PTPRD: variants seen among roughly 807,000 people sequenced by gnomAD.
PTPRD encodes protein tyrosine phosphatase receptor type D, also known as receptor-type tyrosine-protein phosphatase delta.
A neutral mutation model predicts 214.5 loss-of-function variants in PTPRD; 34 were observed. The ratio of observed to expected loss-of-function variants is 0.16; its 90% CI spans 0.12 to 0.21. The LOEUF is 0.21. PTPRD is among the 10% of genes least tolerant of loss of function. PTPRD has a pLI of 1.00. For missense variants in PTPRD, 2,545 were observed against 2,398.7 expected (o/e 1.06, Z -1.27); for synonymous variants, 1,128 against 845.7 (o/e 1.33, Z -5.79).
chr9:8,670,638 G>GT (rs1280212128), intron 12 of PTPRD, among the ~76,000 whole-genome samples: 8 of 152,158 alleles, frequency 5.3e-5, no homozygotes, highest in African/African-American at 1.4e-4. Flanking sequence ...AATAAAATTT[G>GT]TTTTTTAAAA....
At chr9:9,888,411 A>G (rs1309440016) in intron 5 of PTPRD, among the ~76,000 whole-genome samples, 1 of 152,130 alleles carries the variant, frequency 6.6e-6, no homozygotes, top group Non-Finnish European at 1.5e-5. Context: ...TGTCCCTTAC[A>G]GATCTCATGT....
At chr9:8,794,602 C>CTGT (rs2096351768) in intron 11 of PTPRD, among the ~76,000 whole-genome samples, 1 of 151,434 alleles carries the variant, frequency 6.6e-6, no homozygotes, top group Admixed American at 6.6e-5. Flanking sequence ...TCTTAGCCTC[C>CTGT]CAAGTAGCTG....
intron 7 of PTPRD, among the ~76,000 whole-genome samples, chr9:9,643,891 C>T (rs2096057563): frequency 6.6e-6 from 1 of 152,028 alleles, no homozygotes; most frequent in African/African-American, 2.4e-5. Context: ...TAATTTTAAC[C>T]ACTGCCCGCT....
At chr9:9,340,958 T>G (rs935143303) in intron 9 of PTPRD, among the ~76,000 whole-genome samples, 1 of 152,182 alleles carries the variant, frequency 6.6e-6, no homozygotes, top group Non-Finnish European at 1.5e-5. Flanking sequence ...AGACCTCTTC[T>G]AACAATACAA....
At chr9:9,656,916 C>G (rs1052066610) in intron 7 of PTPRD, among the ~76,000 whole-genome samples, 17 of 151,888 alleles carry the variant, frequency 1.1e-4, no homozygotes, top group Admixed American at 2.0e-4. Flanking sequence ...CTCTTGATTT[C>G]TCTGTGAACC....
chr9:10,174,484 G>C (rs1050610197), intron 3 of PTPRD, among the ~76,000 whole-genome samples: 1 of 152,066 alleles, frequency 6.6e-6, no homozygotes, highest in Non-Finnish European at 1.5e-5. Flanking sequence ...CATCAGAATT[G>C]TGAGCCAAAG....
intron 11 of PTPRD, among the ~76,000 whole-genome samples, chr9:8,832,086 T>C (rs1601276343): frequency 6.9e-6 from 1 of 144,114 alleles, no homozygotes. Flanking sequence ...AGCCGGTGAT[T>C]TAAATATGTA....
At chr9:9,991,858 A>T (rs1385906140) in intron 4 of PTPRD, among the ~76,000 whole-genome samples, 1 of 150,812 alleles carries the variant, frequency 6.6e-6, no homozygotes, top group Non-Finnish European at 1.5e-5. Flanking sequence ...ACACACACAC[A>T]CACACACACA....
intron 9 of PTPRD, among the ~76,000 whole-genome samples, chr9:9,368,387 T>G (rs1395575382): frequency 1.3e-5 from 2 of 151,864 alleles, no homozygotes; most frequent in Admixed American, 1.3e-4. Flanking sequence ...GTTAGTCCAT[T>G]CATTCCTTGT....
At chr9:9,483,505 T>C (rs2147211402) in intron 8 of PTPRD, among the ~76,000 whole-genome samples, 1 of 152,216 alleles carries the variant, frequency 6.6e-6, no homozygotes, top group South Asian at 2.1e-4. Context: ...TTTTCAACAG[T>C]TGAGTGACTA....
At chr9:9,359,225 AAG>A (rs1433031471) in intron 9 of PTPRD, among the ~76,000 whole-genome samples, 1 of 151,294 alleles carries the variant, frequency 6.6e-6, no homozygotes, top group African/African-American at 2.4e-5. Flanking sequence ...GCTTTTTAAA[AAG>A]AGAGGTCTAA....
intron 12 of PTPRD, among the ~76,000 whole-genome samples, chr9:8,716,567 A>C (rs2098438606): frequency 6.6e-6 from 1 of 152,232 alleles, no homozygotes; most frequent in African/African-American, 2.4e-5. Flanking sequence ...TTGAAAGCCT[A>C]TAGTCGCAGA....
At chr9:10,379,126 T>C (rs1373243595) in intron 2 of PTPRD, among the ~76,000 whole-genome samples, 2 of 151,926 alleles carry the variant, frequency 1.3e-5, no homozygotes, top group East Asian at 3.9e-4. Flanking sequence ...TCAGTCACTG[T>C]TGGCATAGAG....
At chr9:8,809,850 A>G (rs2096765060) in intron 11 of PTPRD, among the ~76,000 whole-genome samples, 1 of 152,208 alleles carries the variant, frequency 6.6e-6, no homozygotes, top group Non-Finnish European at 1.5e-5. Context: ...GTAAGCCTTT[A>G]TTCTTCACCA....
intron 37 of PTPRD, among the ~76,000 whole-genome samples, chr9:8,384,958 TA>T (rs1292339868): frequency 6.6e-6 from 1 of 152,218 alleles, no homozygotes; most frequent in Non-Finnish European, 1.5e-5. Flanking sequence ...TGGAATTCTT[TA>T]AAGGCCACAT....
In PTPRD at chr9:10,208,276, T is replaced by A. The variant is rs796401113; in HGVS notation, c.-545+132687A>T. ...AGGCCCGTAATCCCAGCACTTTGGGTGGCCGAGGAGGGCGGATCACGAGGT... is the reference window on the plus strand; with the variant it reads ...AGGCCCGTAATCCCAGCACTTTGGGAGGCCGAGGAGGGCGGATCACGAGGT... On this transcript the variant is annotated intron_variant, in intron 3 of 45. Transcript: ENST00000381196. Among the ~76,000 whole-genome samples, 954 of 152,240 alleles carry A rather than the reference T, an allele frequency of 6.3e-3. 5 individuals carry two copies. The highest frequency in any genetic ancestry group is 0.019 in the African/African-American group (771 of 41,538).
At chr9:10,225,360 A>C (rs916003576) in intron 3 of PTPRD, among the ~76,000 whole-genome samples, 3 of 152,056 alleles carry the variant, frequency 2.0e-5, no homozygotes, top group African/African-American at 7.2e-5. Flanking sequence ...CCTAAGTTTA[A>C]TGTATGTAGC....
intron 7 of PTPRD, among the ~76,000 whole-genome samples, chr9:9,698,560 G>C (rs750522549): frequency 3.3e-5 from 5 of 152,120 alleles, no homozygotes; most frequent in African/African-American, 7.2e-5. Flanking sequence ...CATCTCCTTT[G>C]GCTGGGATAG....
At chr9:10,268,056 T>C (rs973717116) in intron 3 of PTPRD, among the ~76,000 whole-genome samples, 1 of 151,418 alleles carries the variant, frequency 6.6e-6, no homozygotes, top group South Asian at 2.1e-4. Context: ...TGTGGCAGAA[T>C]TGTTGGAGGC....
Sources: gnomAD v4.1 joint callset for allele counts (sites outside exome capture counted in the v4.1 genomes callset) on GRCh38, gnomAD v4.1.1 for gene constraint, MANE v1.5 for transcripts, NCBI Gene and HGNC (gene_info 2026-07-23, HGNC 2026-07-21) for gene names.